EPAS1: variants seen among roughly 807,000 people sequenced by gnomAD.
EPAS1 encodes the protein endothelial PAS domain-containing protein 1.
EPAS1 carries 23 observed loss-of-function variants against 87.9 expected under a neutral mutation model. The observed-to-expected ratio is 0.26, with a 90% CI of 0.19 to 0.37. EPAS1 has a LOEUF of 0.37. EPAS1 is among the 10% of genes least tolerant of loss of function. EPAS1 has a pLI of 1.00. For missense variants in EPAS1, 1,138 were observed against 1,120.7 expected, an observed-to-expected ratio of 1.02 and a Z score of -0.22; for synonymous variants, 508 against 444.3, an observed-to-expected ratio of 1.14 and a Z score of -1.80.
At chr2:46,364,883 A>C (rs751916510) in intron 6 of EPAS1, among the ~76,000 whole-genome samples, 47 of 152,354 alleles carry the variant, frequency 3.1e-4, no homozygotes, top group Non-Finnish European at 4.7e-4. Flanking sequence ...AGAGACCATT[A>C]CATCAAAGTA....
intron 1 of EPAS1, among the ~76,000 whole-genome samples, chr2:46,345,162 T>C (rs1683998464): frequency 6.6e-6 from 1 of 152,200 alleles, no homozygotes; most frequent in Non-Finnish European, 1.5e-5. Context: ...TATATTTTTA[T>C]AGAGACAGGG....
chr2:46,362,334 G>T (rs767680333), intron 6 of EPAS1, among the ~76,000 whole-genome samples: 6 of 152,202 alleles, frequency 3.9e-5, no homozygotes, highest in Non-Finnish European at 5.9e-5. Flanking sequence ...CAAGCACTTT[G>T]AGAAGTCCAG....
chr2:46,364,243 G>C (rs1684458980), intron 6 of EPAS1, among the ~76,000 whole-genome samples: 1 of 152,222 alleles, frequency 6.6e-6, no homozygotes, highest in South Asian at 2.1e-4. Context: ...ACAAGGTGCT[G>C]TGATTCCCAC....
chr2:46,299,047 A>G (rs1198915291), intron 1 of EPAS1, among the ~76,000 whole-genome samples: 2 of 152,206 alleles, frequency 1.3e-5, no homozygotes, highest in African/African-American at 4.8e-5. Context: ...CCAGCGGCGG[A>G]GCGGCGGTAT....
intron 15 of EPAS1, 107 bp downstream of exon 15, chr2:46,382,705 C>T: frequency 6.8e-7 from 1 of 1,467,852 alleles, no homozygotes; most frequent in Non-Finnish European, 9.3e-7. Flanking sequence ...CAGGGAGGTG[C>T]TTGACTTGAA....
rs1366740464 is a variant in EPAS1 at position 46,356,154 on chromosome 2, G to C, written c.221G>C (p.Cys74Ser). ...TCCCACCCCCCCCCCTTTCCAGTTT[G>C]CTCTGAAAACGAGTCCGAAGCCGAA... ...LRTHKLLSSV[C>S]SENESEAEAD... The change falls in exon 3 of 16, where the codon TGC (cysteine) becomes TCC (serine). Residue 74 changes from cysteine to serine, a missense_variant. Physicochemically the swap from Cys to Ser is moderately radical, Grantham distance 112. This residue lies in a region of EPAS1 where 351 missense variants were observed against 417.1 expected (regional missense o/e 0.84). Coordinates refer to ENST00000263734, the MANE Select transcript of EPAS1 (RefSeq NM_001430.5). The C allele has an allele frequency of 7.4e-7, 1 of 1,342,644 alleles. No homozygotes were observed. The highest frequency in any genetic ancestry group is 1.2e-5 in the South Asian group (1 of 82,126). 83.2% of individuals were successfully genotyped at this position (1,342,644 alleles called of 1,614,324 possible). A position where few individuals can be genotyped will look rare whatever the true frequency, so the allele number is the denominator to read the frequency against.
At chr2:46,313,752 C>T (rs1180335858) in intron 1 of EPAS1, among the ~76,000 whole-genome samples, 1 of 152,126 alleles carries the variant, frequency 6.6e-6, no homozygotes, top group African/African-American at 2.4e-5. Flanking sequence ...TGACCAGCCC[C>T]ACATGTCATA....
At chr2:46,382,980 T>C (rs1437182446) in intron 15 of EPAS1, among the ~76,000 whole-genome samples, 3 of 151,652 alleles carry the variant, frequency 2.0e-5, no homozygotes, top group African/African-American at 7.3e-5. Flanking sequence ...GCGGCCACAG[T>C]GGTGAGGGCC....
At chr2:46,314,420 A>G (rs1683273783) in intron 1 of EPAS1, among the ~76,000 whole-genome samples, 1 of 152,218 alleles carries the variant, frequency 6.6e-6, no homozygotes, top group Admixed American at 6.5e-5. Flanking sequence ...CTAGGACTAC[A>G]GCCCCATTTC....
rs139675215 is a variant in EPAS1, at chr2:46,384,868, T to C, written c.*208T>C. On this transcript the variant is annotated 3_prime_UTR_variant, in exon 16 of 16. Transcript: ENST00000263734. ...CTATTTTTAAAGTACACAATTGTTT[T>C]ACCTGTTCTGAAATGTTCTTAAATT... 9.3e-3 allele frequency: 5,856 copies of C among 629,728 alleles called. 58 individuals are homozygous for C. The highest frequency in any genetic ancestry group is 0.037 in the Admixed American group (1,269 of 34,286). 39.0% of individuals were successfully genotyped at this position (629,728 alleles called of 1,614,324 possible).
intron 7 of EPAS1, among the ~76,000 whole-genome samples, chr2:46,372,758 A>C (rs1159512468): frequency 6.6e-6 from 1 of 152,260 alleles, no homozygotes; most frequent in Non-Finnish European, 1.5e-5. Context: ...AATTGTTAGA[A>C]ATGCACTTAA....
intron 2 of EPAS1, among the ~76,000 whole-genome samples, chr2:46,351,833 G>C (rs1427773062): frequency 6.6e-6 from 1 of 152,180 alleles, no homozygotes; most frequent in Non-Finnish European, 1.5e-5. Context: ...CCTGGTCTCT[G>C]AGACCACTCA....
chr2:46,372,492 A>C (rs116128595), intron 7 of EPAS1, among the ~76,000 whole-genome samples: 485 of 152,354 alleles, frequency 3.2e-3, no homozygotes, highest in African/African-American at 0.011. Flanking sequence ...GAGAAGCTCA[A>C]CTAGATTTAG....
intron 1 of EPAS1, among the ~76,000 whole-genome samples, chr2:46,341,432 C>T (rs1394024034): frequency 6.6e-6 from 1 of 152,212 alleles, no homozygotes; most frequent in South Asian, 2.1e-4. Flanking sequence ...CGATGGCCAC[C>T]TACCAGCATA....
In EPAS1 at chr2:46,384,759, A is replaced by G. The variant is rs1684975712; in HGVS notation, c.*99A>G. 3 of 1,488,036 alleles carry G rather than the reference A, an allele frequency of 2.0e-6. No individual in the cohort carries two copies. Among genetic ancestry groups the G allele is most frequent in the South Asian group, 1.2e-5 (1 of 83,482 alleles). 92.2% of individuals were successfully genotyped at this position (1,488,036 alleles called of 1,614,324 possible). On this transcript the variant is annotated 3_prime_UTR_variant, in exon 16 of 16. Transcript: ENST00000263734. ...AACTAGGTATTTCTAACGCCAGCACACTATTTACAAGATGGACTTACCTGG... is the reference window on the plus strand; with the variant it reads ...AACTAGGTATTTCTAACGCCAGCACGCTATTTACAAGATGGACTTACCTGG...
intron 1 of EPAS1, among the ~76,000 whole-genome samples, chr2:46,333,002 C>T (rs995591351): frequency 6.6e-6 from 1 of 152,196 alleles, no homozygotes; most frequent in Non-Finnish European, 1.5e-5. Flanking sequence ...GCTCACGAAA[C>T]ACACCCATGA....
intron 6 of EPAS1, among the ~76,000 whole-genome samples, chr2:46,366,085 G>A (rs991785121): frequency 2.0e-5 from 3 of 151,454 alleles, no homozygotes; most frequent in Non-Finnish European, 4.4e-5. Context: ...CAGATCTTGC[G>A]TGACTCCAGG....
At chr2:46,374,061 T>G (rs1009612916) in intron 7 of EPAS1, among the ~76,000 whole-genome samples, 7 of 152,230 alleles carry the variant, frequency 4.6e-5, no homozygotes, top group African/African-American at 1.4e-4. Context: ...TCTTATCAGA[T>G]AGTTCTGAAC....
chr2:46,320,253 G>C (rs1683427579), intron 1 of EPAS1, among the ~76,000 whole-genome samples: 1 of 152,168 alleles, frequency 6.6e-6, no homozygotes, highest in Non-Finnish European at 1.5e-5. Flanking sequence ...TGTTGATTTT[G>C]TAATTGCTCC....
Sources: allele counts gnomAD v4.1 joint callset (sites outside exome capture counted in the v4.1 genomes callset), GRCh38; gene constraint gnomAD v4.1.1; regional missense constraint gnomAD v4.1.1; transcripts MANE v1.5; gene names NCBI Gene and HGNC (gene_info 2026-07-23, HGNC 2026-07-21).